TAFA4: variants seen among roughly 807,000 people sequenced by gnomAD.
The protein encoded by TAFA4 is TAFA chemokine like family member 4.
TAFA4 carries 20 observed loss-of-function variants against 21.1 expected under a neutral mutation model. That is an observed-to-expected ratio of 0.95 (90% CI 0.67 to 1.38). The LOEUF (loss-of-function observed/expected upper bound fraction) is 1.38. Ranked by LOEUF, TAFA4 falls within the 40% of genes most tolerant of loss-of-function variation. The pLI, the probability that TAFA4 is intolerant of heterozygous loss-of-function variation, is 0.00. For missense variants in TAFA4, 211 were observed against 180.9 expected (o/e 1.17, Z -0.95); for synonymous variants, 71 against 67.4 (o/e 1.05, Z -0.26).
intron 3 of TAFA4, among the ~76,000 whole-genome samples, chr3:68,762,683 C>G (rs1213536627): frequency 6.6e-6 from 1 of 152,226 alleles, no homozygotes; most frequent in African/African-American, 2.4e-5. Context: ...CTCTCAGTGA[C>G]TGTCTAAAAT....
chr3:68,804,830 G>T (rs1341547226), intron 3 of TAFA4, among the ~76,000 whole-genome samples: 1 of 152,106 alleles, frequency 6.6e-6, no homozygotes, highest in Non-Finnish European at 1.5e-5. Flanking sequence ...TTACATGTTA[G>T]ACCTAAAACC....
intron 3 of TAFA4, among the ~76,000 whole-genome samples, chr3:68,842,996 T>C (rs1202173619): frequency 6.6e-6 from 1 of 152,192 alleles, no homozygotes; most frequent in African/African-American, 2.4e-5. Context: ...TCTTTTCACT[T>C]AGGATTGTCT....
chr3:68,733,292 C>T, intron 5 of TAFA4, 139 bp from the exon 6 acceptor site: 1 of 1,090,246 alleles, frequency 9.2e-7, no homozygotes, highest in Non-Finnish European at 1.3e-6. Flanking sequence ...CTCACCAAAT[C>T]AACAGTTCAA....
chr3:68,912,846 T>C (rs973250056), intron 1 of TAFA4, among the ~76,000 whole-genome samples: 3 of 152,226 alleles, frequency 2.0e-5, no homozygotes, highest in African/African-American at 7.2e-5. Context: ...CTGAGTTTTC[T>C]AGTATTTTCC....
intron 1 of TAFA4, among the ~76,000 whole-genome samples, chr3:68,899,876 C>T (rs1001618557): frequency 2.0e-5 from 3 of 152,100 alleles, no homozygotes; most frequent in Non-Finnish European, 4.4e-5. Flanking sequence ...CCATAATATG[C>T]AGTGTAACAT....
chr3:68,853,652 CT>C (rs1277338582), intron 3 of TAFA4, among the ~76,000 whole-genome samples: 3 of 152,116 alleles, frequency 2.0e-5, no homozygotes, highest in African/African-American at 7.2e-5. Context: ...AATATGCCCC[CT>C]TTATTAATTA....
At chr3:68,818,891 A>G (rs909001752) in intron 3 of TAFA4, among the ~76,000 whole-genome samples, 1 of 152,262 alleles carries the variant, frequency 6.6e-6, no homozygotes, top group African/African-American at 2.4e-5. Context: ...GGACATAGAT[A>G]CATGAAATAA....
chr3:68,870,001 T>C (rs906540421), intron 3 of TAFA4, among the ~76,000 whole-genome samples: 1 of 152,042 alleles, frequency 6.6e-6, no homozygotes, highest in Non-Finnish European at 1.5e-5. Flanking sequence ...GATAAGTGAA[T>C]TCAGTAAAGT....
In TAFA4 at chr3:68,918,297, G is replaced by C. The variant is rs1045453692; in HGVS notation, c.-123+13943C>G. Reference sequence around the variant, plus strand: ...GGGGGAGAGGTCGCAAATGACACTGGAGAAAAAATCAGCGCACTGTCAACC... The same window carrying C: ...GGGGGAGAGGTCGCAAATGACACTGCAGAAAAAATCAGCGCACTGTCAACC... On this transcript the variant is annotated intron_variant, in intron 1 of 5. Transcript: ENST00000295569. 2.2e-4 allele frequency among the ~76,000 whole-genome samples: 33 copies of C among 152,020 alleles called. 1 individual carries two copies.
intron 3 of TAFA4, among the ~76,000 whole-genome samples, chr3:68,780,508 A>T (rs1228857845): frequency 6.6e-6 from 1 of 152,148 alleles, no homozygotes; most frequent in Non-Finnish European, 1.5e-5. Context: ...GATAGTGAAT[A>T]AGTCTCATGA....
chr3:68,867,077 T>G (rs1177695221), intron 3 of TAFA4, among the ~76,000 whole-genome samples: 1 of 151,984 alleles, frequency 6.6e-6, no homozygotes, highest in Non-Finnish European at 1.5e-5. Context: ...GGTACAAGGA[T>G]GTCAGAGATC....
chr3:68,787,780 C>T (rs1703287894), intron 3 of TAFA4, among the ~76,000 whole-genome samples: 1 of 152,190 alleles, frequency 6.6e-6, no homozygotes, highest in African/African-American at 2.4e-5. Context: ...TATGCACAAA[C>T]CATTATTTTC....
chr3:68,751,384 G>A (rs34919495), intron 4 of TAFA4, among the ~76,000 whole-genome samples: 3,897 of 152,142 alleles, frequency 0.026, 265 homozygotes, highest in East Asian at 0.25. Flanking sequence ...AAGATCTAAG[G>A]GTGGCCCCTA....
At chr3:68,792,458 G>T (rs1703379548) in intron 3 of TAFA4, among the ~76,000 whole-genome samples, 1 of 152,080 alleles carries the variant, frequency 6.6e-6, no homozygotes, top group African/African-American at 2.4e-5. Flanking sequence ...ATTTTTAAAA[G>T]CTTCCCCAGT....
intron 3 of TAFA4, among the ~76,000 whole-genome samples, chr3:68,838,381 G>T (rs564188618): frequency 4.2e-4 from 64 of 152,232 alleles, no homozygotes; most frequent in African/African-American, 1.5e-3. Context: ...CCTTATTCAA[G>T]AAATTATTGA....
intron 3 of TAFA4, among the ~76,000 whole-genome samples, chr3:68,766,647 G>A (rs1391548612): frequency 2.0e-5 from 3 of 151,676 alleles, no homozygotes; most frequent in East Asian, 1.9e-4. Context: ...AGATGTCCCC[G>A]AATCCTATTT....
chr3:68,795,183 A>G (rs544302672), intron 3 of TAFA4, among the ~76,000 whole-genome samples: 20 of 151,792 alleles, frequency 1.3e-4, no homozygotes, highest in African/African-American at 4.8e-4. Context: ...AGACTCAAAG[A>G]GGTGAAGATC....
intron 3 of TAFA4, among the ~76,000 whole-genome samples, chr3:68,806,280 G>A (rs1703696590): frequency 6.6e-6 from 1 of 152,088 alleles, no homozygotes; most frequent in Admixed American, 6.6e-5. Flanking sequence ...CTAGTAGATA[G>A]AAGAAGAGAC....
At chr3:68,921,995 A>G (rs367965997) in intron 1 of TAFA4, among the ~76,000 whole-genome samples, 32 of 152,324 alleles carry the variant, frequency 2.1e-4, no homozygotes, top group South Asian at 1.9e-3. Flanking sequence ...CACAACACTG[A>G]TCCAACGAAC....
Sources: gnomAD v4.1 joint callset for allele counts (sites outside exome capture counted in the v4.1 genomes callset) on GRCh38, gnomAD v4.1.1 for gene constraint, MANE v1.5 for transcripts, NCBI Gene and HGNC (gene_info 2026-07-23, HGNC 2026-07-21) for gene names.